Variants in ANKRD50 observed in about 807,000 individuals in gnomAD.
ANKRD50 encodes ankyrin repeat domain 50, also known as ankyrin repeat domain-containing protein 50.
In ANKRD50, 40 loss-of-function variants were observed where a neutral mutation model predicts 112.0. The observed-to-expected ratio is 0.36, with a 90% CI of 0.28 to 0.46. The LOEUF (loss-of-function observed/expected upper bound fraction) is 0.46. ANKRD50 is among the 20% of genes least tolerant of loss of function. The pLI, the probability that ANKRD50 is intolerant of heterozygous loss-of-function variation, is 1.00. For missense variants in ANKRD50, 1,487 were observed against 1,701.7 expected (o/e 0.87, Z 2.22); for synonymous variants, 613 against 619.1 (o/e 0.99, Z 0.15).
chr4:124,681,613 G>A (rs1724889412), intron 2 of ANKRD50, among the ~76,000 whole-genome samples: 1 of 152,090 alleles, frequency 6.6e-6, no homozygotes, highest in South Asian at 2.1e-4. Context: ...AGTAGCAGTG[G>A]GGATAGCAAA....
At chr4:124,682,177 G>A (rs892183857) in intron 2 of ANKRD50, among the ~76,000 whole-genome samples, 10 of 151,848 alleles carry the variant, frequency 6.6e-5, no homozygotes, top group East Asian at 1.9e-4. Context: ...TTAGCCGGGC[G>A]CGGTGGCAGG....
At chr4:124,680,252 C>A (rs1724851125) in intron 2 of ANKRD50, among the ~76,000 whole-genome samples, 1 of 152,096 alleles carries the variant, frequency 6.6e-6, no homozygotes, top group African/African-American at 2.4e-5. Flanking sequence ...CAGTATACCC[C>A]TAGAACCTAG....
intron 2 of ANKRD50, among the ~76,000 whole-genome samples, chr4:124,690,672 T>C (rs1360719613): frequency 6.6e-6 from 1 of 152,222 alleles, no homozygotes; most frequent in East Asian, 1.9e-4. Flanking sequence ...TACAATTAAC[T>C]GCTGTAGGCT....
At chr4:124,709,562 A>G (rs1004476939) in intron 2 of ANKRD50, among the ~76,000 whole-genome samples, 1 of 152,084 alleles carries the variant, frequency 6.6e-6, no homozygotes, top group African/African-American at 2.4e-5. Flanking sequence ...AATCTCCTTT[A>G]AAGAAAACCT....
chr4:124,712,003 T>G (rs1725646109), intron 1 of ANKRD50, among the ~76,000 whole-genome samples: 1 of 152,008 alleles, frequency 6.6e-6, no homozygotes. Context: ...CAGTTTCAGC[T>G]GACAGACAAA....
intron 2 of ANKRD50, among the ~76,000 whole-genome samples, chr4:124,683,902 G>GTTT (rs1339131349): frequency 2.2e-5 from 1 of 45,596 alleles, no homozygotes; most frequent in Non-Finnish European, 4.1e-5. Flanking sequence ...TAATACATCA[G>GTTT]TCTTTTTTTT....
chr4:124,679,015 G>A (rs2110512936), intron 2 of ANKRD50, 110 bp from the exon 3 acceptor site: 1 of 813,874 alleles, frequency 1.2e-6, no homozygotes, highest in Non-Finnish European at 1.9e-6. Flanking sequence ...ATAAAATAAG[G>A]TATTAGAACA....
intron 2 of ANKRD50, among the ~76,000 whole-genome samples, chr4:124,685,721 T>G (rs1167402016): frequency 6.6e-6 from 1 of 152,172 alleles, no homozygotes; most frequent in African/African-American, 2.4e-5. Flanking sequence ...TTTCTTACCT[T>G]CATTAATATT....
Position 124,671,139 on chromosome 4 carries a change from G to A in ANKRD50, c.2138C>T (p.Ala713Val), listed in dbSNP as rs1730637659. The A allele has an allele frequency of 1.2e-6, 2 of 1,613,706 alleles. No individual in the cohort carries two copies. The highest frequency in any genetic ancestry group is 1.7e-6 in the Non-Finnish European group (2 of 1,179,854). ...VNHEDVDGRTALSVAALCVPA... is the reference protein window; with the variant it reads ...VNHEDVDGRTVLSVAALCVPA... Reference sequence around the variant, plus strand: ...CACACAAAGTGCAGCTACAGAGAGTGCAGTCCTGCCATCAACATCCTCATG... The same window carrying A: ...CACACAAAGTGCAGCTACAGAGAGTACAGTCCTGCCATCAACATCCTCATG... Residue 713 changes from alanine (A) to valine (V), a missense_variant, in exon 4 of 5, where the codon GCA becomes GTA. By Grantham distance (64) the Ala-to-Val change is moderately conservative (BLOSUM62 0). This residue lies in a region of ANKRD50 where 1,046 missense variants were observed against 1,269.5 expected (regional missense o/e 0.82). Coordinates refer to ENST00000504087, the MANE Select transcript of ANKRD50 (RefSeq NM_020337.3).
chr4:124,691,590 GT>G (rs1389530515), intron 2 of ANKRD50, among the ~76,000 whole-genome samples: 2 of 150,534 alleles, frequency 1.3e-5, no homozygotes, highest in Non-Finnish European at 3.0e-5. Flanking sequence ...ATTTTTTTGG[GT>G]TATGATCAGC....
At position 124,668,622 on chromosome 4, in the gene ANKRD50, T is replaced by C. The variant is rs544463724; in HGVS notation, c.*3+362A>G. Among the ~76,000 whole-genome samples, 5 of 152,130 alleles carry C rather than the reference T, an allele frequency of 3.3e-5. No individual in the cohort carries two copies. The South Asian group carries it at 1.0e-3, about 32-fold the overall frequency. On this transcript the variant is annotated intron_variant, in intron 4 of 4. Transcript: ENST00000504087. Reference sequence around the variant, plus strand: ...AGTTCATTCACTTATTCAACAAATTTTTACTGGGAAACTACCATAGGTCCA... The same window carrying C: ...AGTTCATTCACTTATTCAACAAATTCTTACTGGGAAACTACCATAGGTCCA...
chr4:124,702,640 G>C (rs1430375968), intron 2 of ANKRD50, among the ~76,000 whole-genome samples: 1 of 152,134 alleles, frequency 6.6e-6, no homozygotes, highest in Non-Finnish European at 1.5e-5. Context: ...ACCTAGATAA[G>C]GAGTCAGTTT....
intron 3 of ANKRD50, among the ~76,000 whole-genome samples, 154 bp downstream of exon 3, chr4:124,678,522 G>A (rs951363846): frequency 2.6e-5 from 4 of 152,034 alleles, no homozygotes; most frequent in African/African-American, 9.7e-5. Context: ...AACATGCTAA[G>A]GCTTTTTTAT....
chr4:124,684,510 T>A (rs928263060), intron 2 of ANKRD50, among the ~76,000 whole-genome samples: 8 of 152,118 alleles, frequency 5.3e-5, no homozygotes, highest in Admixed American at 5.2e-4. Context: ...TGCCTTCCCC[T>A]CTTCATTCTT....
intron 2 of ANKRD50, among the ~76,000 whole-genome samples, chr4:124,683,417 TCAAA>T (rs1037950038): frequency 4.6e-5 from 7 of 152,112 alleles, no homozygotes; most frequent in African/African-American, 1.7e-4. Flanking sequence ...ACCTATCACC[TCAAA>T]CATTTATATC....
Position 124,706,126 on chromosome 4 carries a change from A to G in ANKRD50, c.512+3874T>C, listed in dbSNP as rs1003759627. Among the ~76,000 whole-genome samples, 5 of 152,128 alleles carry G rather than the reference A, an allele frequency of 3.3e-5. No homozygotes were observed. In the East Asian group the frequency reaches 9.6e-4, roughly 29 times the overall value. On this transcript the variant is annotated intron_variant, in intron 2 of 4. Coordinates refer to ENST00000504087, the MANE Select transcript of ANKRD50 (RefSeq NM_020337.3). ...TTCTCTCTATATGAATAAGATAAATATTAATGTTAGAATTTGAGTTCCATG... is the reference window on the plus strand; with the variant it reads ...TTCTCTCTATATGAATAAGATAAATGTTAATGTTAGAATTTGAGTTCCATG...
chr4:124,702,901 T>C (rs1022990570), intron 2 of ANKRD50, among the ~76,000 whole-genome samples: 1 of 152,066 alleles, frequency 6.6e-6, no homozygotes, highest in Non-Finnish European at 1.5e-5. Context: ...TGAATAGAAA[T>C]GCTTCAAGAG....
rs921311141 is a variant in ANKRD50 at position 124,671,807 on chromosome 4, T to C, written c.1470A>G (p.Ile490Met). Residue 490 changes from isoleucine to methionine, a missense_variant, in exon 4 of 5, where the codon ATA (isoleucine) becomes ATG (methionine). By Grantham distance (10) the Ile-to-Met change is conservative. Coordinates refer to ENST00000504087, the MANE Select transcript of ANKRD50 (RefSeq NM_020337.3). ...TPVRDSLSTL[I>M]PKEQEVLQLL... is the part of the protein sequence containing the mutation. Reference sequence around the variant, plus strand: ...GCTGTAGCACTTCTTGTTCCTTGGGTATCAAAGTAGAAAGGGAATCTCTGA... The same window carrying C: ...GCTGTAGCACTTCTTGTTCCTTGGGCATCAAAGTAGAAAGGGAATCTCTGA... 21 of 1,613,778 alleles carry C rather than the reference T, an allele frequency of 1.3e-5. No homozygotes were observed. The highest frequency in any genetic ancestry group is 3.3e-5 in the Admixed American group (2 of 59,960).
intron 2 of ANKRD50, among the ~76,000 whole-genome samples, chr4:124,687,739 G>A (rs1295978360): frequency 1.3e-5 from 2 of 152,088 alleles, no homozygotes; most frequent in African/African-American, 4.8e-5. Flanking sequence ...AGAGAGAAGG[G>A]CATCAAATAA....
Sources: gnomAD v4.1 joint callset for allele counts (sites outside exome capture counted in the v4.1 genomes callset) on GRCh38, gnomAD v4.1.1 for gene constraint, gnomAD v4.1.1 regional missense constraint, MANE v1.5 for transcripts, NCBI Gene and HGNC (gene_info 2026-07-23, HGNC 2026-07-21) for gene names.